Variants in RFX2 observed in about 807,000 individuals in gnomAD.
RFX2 encodes the protein regulatory factor X2.
Under a neutral mutation model 87.8 loss-of-function variants are expected in RFX2, and 20 were observed. The observed-to-expected ratio is 0.23, with a 90% CI of 0.16 to 0.33. RFX2 has a LOEUF of 0.33. Among genes scored for constraint, RFX2 ranks in the 10% least tolerant of loss-of-function variants. RFX2 has a pLI of 1.00. For missense variants in RFX2, 767 were observed against 1,012.3 expected (o/e 0.76, Z 3.29); for synonymous variants, 397 against 431.3 (o/e 0.92, Z 0.98).
chr19:6,073,798 G>A (rs576017705), intron 1 of RFX2, among the ~76,000 whole-genome samples: 5 of 152,218 alleles, frequency 3.3e-5, no homozygotes, highest in Admixed American at 6.5e-5. Context: ...GAATGCGGAC[G>A]GCTAATACCA....
intron 13 of RFX2, among the ~76,000 whole-genome samples, chr19:6,003,250 A>G (rs1477056282): frequency 6.6e-6 from 1 of 151,732 alleles, no homozygotes; most frequent in Non-Finnish European, 1.5e-5. Context: ...TTTTTAAGAG[A>G]TGGGGTCTTG....
intron 1 of RFX2, among the ~76,000 whole-genome samples, chr19:6,095,247 T>C (rs1004784290): frequency 1.3e-5 from 2 of 152,222 alleles, no homozygotes; most frequent in South Asian, 4.1e-4. Flanking sequence ...CATCTCAGGA[T>C]AAGTTTAAGA....
chr19:6,007,178 G>C lies in RFX2; in HGVS notation c.1248-12C>G. ...CGGGGTCTTCGTCACTGTGGAGGGA[G>C]GGGGGACAGGTGAGCTGTGGCCTGG... On this transcript the variant is annotated splice_polypyrimidine_tract_variant and intron_variant, in intron 11 of 17. Coordinates refer to ENST00000303657, the MANE Select transcript of RFX2 (RefSeq NM_000635.4). This position sits in a 1 kb window ranked among gnomAD's most constrained non-coding sequence, Gnocchi z 8.2. The C allele has an allele frequency of 6.2e-7, 1 of 1,611,378 alleles. No individual in the cohort carries two copies. Among genetic ancestry groups the C allele is most frequent in the Non-Finnish European group, 8.5e-7 (1 of 1,178,772 alleles).
In RFX2 at chr19:6,047,550, C is replaced by T; in HGVS notation, c.-8-46G>A. ...ATTGGGTGGGCAAGGGCTGCAAGCA[C>T]TGAAATCCGAAGAGGCAACTAACAA... is the stretch of plus-strand genomic sequence containing the variant. On this transcript the variant is annotated intron_variant, in intron 1 of 17. Coordinates refer to ENST00000303657, the MANE Select transcript of RFX2 (RefSeq NM_000635.4). This position sits in a 1 kb window ranked among gnomAD's most constrained non-coding sequence, Gnocchi z 4.2. 2 of 1,483,058 alleles carry T rather than the reference C, an allele frequency of 1.3e-6. No homozygotes were observed. The highest frequency in any genetic ancestry group is 1.9e-6 in the Non-Finnish European group (2 of 1,080,810). 91.9% of individuals were successfully genotyped at this position (1,483,058 alleles called of 1,614,324 possible).
At chr19:6,018,921 C>T (rs1484278498) in intron 6 of RFX2, among the ~76,000 whole-genome samples, 5 of 152,190 alleles carry the variant, frequency 3.3e-5, no homozygotes, top group African/African-American at 4.8e-5. Flanking sequence ...GCTTGGATTC[C>T]GGTTCCCTGG....
chr19:6,047,538 G>T lies in RFX2; in HGVS notation c.-8-34C>A. 6.5e-7 allele frequency: 1 copy of T among 1,535,272 alleles called. No individual in the cohort carries two copies. Among genetic ancestry groups the T allele is most frequent in the Non-Finnish European group, 8.9e-7 (1 of 1,123,412 alleles). ...AGGCGGAGAGAGATTGGGTGGGCAA[G>T]GGCTGCAAGCACTGAAATCCGAAGA... On this transcript the variant is annotated intron_variant, in intron 1 of 17. Transcript: ENST00000303657. This position sits in a 1 kb window ranked among gnomAD's most constrained non-coding sequence, Gnocchi z 4.2.
chr19:6,025,846 C>T (rs934167715), intron 6 of RFX2, among the ~76,000 whole-genome samples: 2 of 144,742 alleles, frequency 1.4e-5, no homozygotes, highest in South Asian at 2.2e-4. Flanking sequence ...ACTGCAGTGG[C>T]GTGATCTCGG....
rs1006428253 is a variant in RFX2, at chr19:6,050,736, A to G, written c.-8-3232T>C. 3.9e-5 allele frequency among the ~76,000 whole-genome samples: 6 copies of G among 152,158 alleles called. No homozygotes were observed. Among genetic ancestry groups the G allele is most frequent in the African/African-American group, 1.4e-4 (6 of 41,440 alleles). The stretch of plus-strand genomic sequence containing the variant: ...TGTAACGAGAGTCCCAGAAGAGAAA[A>G]AGAGAATGTAAGAGAAAAAAATATT... On this transcript the variant is annotated intron_variant, in intron 1 of 17. Transcript: ENST00000303657. This position sits in a 1 kb window ranked among gnomAD's most constrained non-coding sequence, Gnocchi z 4.6.
intron 1 of RFX2, among the ~76,000 whole-genome samples, chr19:6,053,881 A>C (rs1316113296): frequency 6.7e-6 from 1 of 149,740 alleles, no homozygotes; most frequent in East Asian, 2.0e-4. Context: ...GCTTGAACCA[A>C]GGAGGCAGAG....
At chr19:6,060,213 T>G (rs2087408008) in intron 1 of RFX2, among the ~76,000 whole-genome samples, 1 of 152,330 alleles carries the variant, frequency 6.6e-6, no homozygotes, top group South Asian at 2.1e-4. Context: ...ACATCCAGAC[T>G]GTCTACATCC....
At chr19:6,086,557 G>A (rs1367303960) in intron 1 of RFX2, among the ~76,000 whole-genome samples, 1 of 152,214 alleles carries the variant, frequency 6.6e-6, no homozygotes, top group East Asian at 1.9e-4. Context: ...GCTGTTGACG[G>A]AAATGTTATG....
At position 6,010,200 on chromosome 19, in the gene RFX2, G is replaced by A. The variant is rs927613474; in HGVS notation, c.951C>T (p.Ser317=). 1.8e-5 allele frequency: 28 copies of A among 1,548,332 alleles called. No individual in the cohort carries two copies. Among genetic ancestry groups the A allele is most frequent in the African/African-American group, 2.7e-5 (2 of 72,996 alleles). The change falls in exon 9 of 18, where the codon AGC becomes AGT. Residue 317 remains serine, a synonymous_variant. Coordinates refer to ENST00000303657, the MANE Select transcript of RFX2 (RefSeq NM_000635.4). The surrounding 1 kb of genome is among the most constrained non-coding windows in gnomAD (Gnocchi z 5.0). ...TCTGTTCCGGAGTGCTGTGCAGGCCGCTGTGGGAGCCGCTGTCCCCGAGGC... is the reference window on the plus strand; with the variant it reads ...TCTGTTCCGGAGTGCTGTGCAGGCCACTGTGGGAGCCGCTGTCCCCGAGGC... ...TDSLGDSGSH[S]GLHSTPEQTM...
In RFX2 at chr19:5,998,746, G is replaced by A. The variant is rs1214928355; in HGVS notation, c.1860-1533C>T. On this transcript the variant is annotated intron_variant, in intron 15 of 17. Transcript: ENST00000303657. The surrounding 1 kb of genome is among the most constrained non-coding windows in gnomAD (Gnocchi z 4.2). ...CAGTCCAAAGTATTTCCAGAACATC[G>A]CCTGCGGTCACCCCGGTATCTCTGG... Among the ~76,000 whole-genome samples the A allele has an allele frequency of 3.3e-5, 5 of 152,074 alleles. No individual in the cohort carries two copies. The highest frequency in any genetic ancestry group is 2.9e-5 in the Non-Finnish European group (2 of 68,032).
At position 6,001,119 on chromosome 19, in the gene RFX2, GGGTTT is replaced by G. The variant is rs2086484647; in HGVS notation, c.1859+691_1859+695del. On this transcript the variant is annotated intron_variant, in intron 15 of 17. Transcript: ENST00000303657. This position sits in a 1 kb window ranked among gnomAD's most constrained non-coding sequence, Gnocchi z 5.6. Reference sequence around the variant, plus strand: ...TCAGGACATCGCTCTACTGCCTTCTGGGTTTCTGCACATTGTTCGGAAGTCTAATG... The same window carrying G: ...TCAGGACATCGCTCTACTGCCTTCTGCTGCACATTGTTCGGAAGTCTAATG... Among the ~76,000 whole-genome samples the G allele has an allele frequency of 6.6e-6, 1 of 152,174 alleles. No homozygotes were observed. Among genetic ancestry groups the G allele is most frequent in the African/African-American group, 2.4e-5 (1 of 41,424 alleles).
chr19:6,095,334 T>C (rs1189701531), intron 1 of RFX2, among the ~76,000 whole-genome samples: 2 of 152,202 alleles, frequency 1.3e-5, no homozygotes, highest in African/African-American at 4.8e-5. Context: ...GTGATCTCTA[T>C]CTAGTAAGAA....
chr19:6,007,118 G>A lies in RFX2; in HGVS notation c.1296C>T (p.Ser432=). 3.1e-6 allele frequency: 5 copies of A among 1,614,146 alleles called. No homozygotes were observed. The highest frequency in any genetic ancestry group is 4.2e-6 in the Non-Finnish European group (5 of 1,180,024). ...GAVLPKDKLI[S]LCQCDPILRW... ...TGAGGATGGGGTCGCACTGACACAG[G>A]GAGATAAGCTTGTCCTTGGGCAGGA... Residue 432 remains serine (S), a synonymous_variant, in exon 12 of 18, where the codon TCC becomes TCT. Coordinates refer to ENST00000303657, the MANE Select transcript of RFX2 (RefSeq NM_000635.4). The surrounding 1 kb of genome is among the most constrained non-coding windows in gnomAD (Gnocchi z 8.2).
chr19:6,015,785 A>G (rs1456068364), intron 7 of RFX2, among the ~76,000 whole-genome samples: 1 of 152,104 alleles, frequency 6.6e-6, no homozygotes, highest in African/African-American at 2.4e-5. Flanking sequence ...TCAGGTGTGC[A>G]CCACCACACC....
At position 6,013,333 on chromosome 19, in the gene RFX2, G is replaced by A. The variant is rs535748957; in HGVS notation, c.780-228C>T. 1.2e-4 allele frequency among the ~76,000 whole-genome samples: 18 copies of A among 151,956 alleles called. No homozygotes were observed. The South Asian group carries it at 2.5e-3, about 21-fold the overall frequency. The stretch of plus-strand genomic sequence containing the variant: ...CCCAAGTAGCTGGGATGACAGGCGT[G>A]AGCCATAATGCCTAGCTTATTTTTG... On this transcript the variant is annotated intron_variant, in intron 7 of 17. Coordinates refer to ENST00000303657, the MANE Select transcript of RFX2 (RefSeq NM_000635.4). This position sits in a 1 kb window ranked among gnomAD's most constrained non-coding sequence, Gnocchi z 4.1.
At chr19:6,095,747 G>A (rs2144892626) in intron 1 of RFX2, among the ~76,000 whole-genome samples, 1 of 152,284 alleles carries the variant, frequency 6.6e-6, no homozygotes, top group South Asian at 2.1e-4. Flanking sequence ...CACCACAGGG[G>A]CAGAGGTCAG....
Sources: gnomAD v4.1 joint callset for allele counts (sites outside exome capture counted in the v4.1 genomes callset) on GRCh38, gnomAD v4.1.1 for gene constraint, Gnocchi (gnomAD v3.1) non-coding constraint, MANE v1.5 for transcripts, NCBI Gene and HGNC (gene_info 2026-07-23, HGNC 2026-07-21) for gene names.